The following HK1 variants were observed in gnomAD, a reference collection of about 807,000 sequenced individuals.
HK1 encodes hexokinase 1.
Under a neutral mutation model 91.6 loss-of-function variants are expected in HK1, and 28 were observed. The observed-to-expected ratio is 0.31, with a 90% CI of 0.23 to 0.42. The LOEUF (loss-of-function observed/expected upper bound fraction) is 0.42, where lower values mean the gene tolerates loss of function less well. HK1 is among the 10% of genes least tolerant of loss of function. HK1 has a pLI of 1.00. For synonymous variants in HK1, 430 were observed against 468.1 expected, an observed-to-expected ratio of 0.92 and a Z score of 1.05; for missense variants, 770 against 1,219.8, an observed-to-expected ratio of 0.63 and a Z score of 5.49.
At chr10:69,273,696 AT>A (rs931482922) in intron 1 of HK1, among the ~76,000 whole-genome samples, 4 of 152,048 alleles carry the variant, frequency 2.6e-5, no homozygotes, top group Non-Finnish European at 4.4e-5. Context: ...TCAGTGACAG[AT>A]TTTTTTTCTG....
intron 15 of HK1, among the ~76,000 whole-genome samples, chr10:69,392,915 C>T (rs75478620): frequency 6.6e-6 from 1 of 152,220 alleles, no homozygotes; most frequent in African/African-American, 2.4e-5. Context: ...AAGGTTTTTG[C>T]CTTTTCTAAA....
intron 2 of HK1, among the ~76,000 whole-genome samples, chr10:69,357,646 G>T (rs1849197708): frequency 6.6e-6 from 1 of 151,978 alleles, no homozygotes; most frequent in African/African-American, 2.4e-5. Context: ...AGAGACAGGG[G>T]CTCGCCATGT....
intron 8 of HK1, among the ~76,000 whole-genome samples, chr10:69,379,465 C>G (rs10762288): frequency 0.27 from 41,343 of 152,056 alleles, 6,164 homozygotes; most frequent in African/African-American, 0.41. Flanking sequence ...ATTACAATTT[C>G]ACTGAGAGAC....
intron 1 of HK1, among the ~76,000 whole-genome samples, chr10:69,279,750 A>G (rs80339337): frequency 0.054 from 8,211 of 152,276 alleles, 314 homozygotes; most frequent in South Asian, 0.13. Context: ...TCTGTGACCT[A>G]GGATATTGGA....
upstream of HK1, among the ~76,000 whole-genome samples, chr10:69,317,242 TGCGTACAGTATTAC>T (rs1188222644): frequency 1.3e-5 from 2 of 152,200 alleles, no homozygotes; most frequent in Non-Finnish European, 2.9e-5. Context: ...GCACGTATTT[TGCGTACAGTATTAC>T]ACAACAATCA....
At chr10:69,287,348 G>C (rs1023244823) in intron 2 of HK1, among the ~76,000 whole-genome samples, 6 of 152,132 alleles carry the variant, frequency 3.9e-5, no homozygotes. Context: ...GAACAGCAGG[G>C]GGGGAACCGC....
intron 1 of HK1, among the ~76,000 whole-genome samples, chr10:69,325,092 C>T (rs999091155): frequency 5.8e-5 from 8 of 138,304 alleles, no homozygotes; most frequent in African/African-American, 2.0e-4. Context: ...CGCTCTGTTG[C>T]CCAGGCTGGA....
intron 4 of HK1, chr10:69,296,383 G>A (rs1269800335): frequency 6.5e-6 from 1 of 152,746 alleles, no homozygotes; most frequent in Admixed American, 6.5e-5. Context: ...AGCTGGGTGT[G>A]GATTCAACCT....
intron 7 of HK1, among the ~76,000 whole-genome samples, chr10:69,374,995 A>G (rs2132844455): frequency 6.6e-6 from 1 of 152,338 alleles, no homozygotes; most frequent in African/African-American, 2.4e-5. Flanking sequence ...GACAGGCAGG[A>G]ATGCACAGTG....
At chr10:69,311,037 A>T (rs966371376), upstream of HK1, among the ~76,000 whole-genome samples, 1 of 150,532 alleles carries the variant, frequency 6.6e-6, no homozygotes, top group Non-Finnish European at 1.5e-5. Flanking sequence ...AGCCTGGGCA[A>T]CAGAGTGAGA....
At chr10:69,328,865 T>G (rs1412317807) in intron 1 of HK1, among the ~76,000 whole-genome samples, 2 of 152,160 alleles carry the variant, frequency 1.3e-5, no homozygotes, top group Admixed American at 1.3e-4. Context: ...TTTAAATGGA[T>G]TTGCCTCTTA....
intron 1 of HK1, among the ~76,000 whole-genome samples, chr10:69,328,870 C>G (rs1006560088): frequency 6.6e-6 from 1 of 151,894 alleles, no homozygotes; most frequent in African/African-American, 2.4e-5. Flanking sequence ...ATGGATTTGC[C>G]TCTTATGGAC....
intron 1 of HK1, among the ~76,000 whole-genome samples, chr10:69,335,228 C>T (rs1300213121): frequency 5.3e-5 from 8 of 152,172 alleles, no homozygotes; most frequent in Non-Finnish European, 1.0e-4. Context: ...AAGAGGAGTC[C>T]GGGGCTGCTG....
At chr10:69,373,083 G>T (rs944832693) in intron 7 of HK1, among the ~76,000 whole-genome samples, 1 of 152,138 alleles carries the variant, frequency 6.6e-6, no homozygotes, top group Non-Finnish European at 1.5e-5. Flanking sequence ...TAGCCAGGCT[G>T]GTCTCGAACT....
chr10:69,376,056 C>T (rs191390162), intron 7 of HK1, among the ~76,000 whole-genome samples: 52 of 152,192 alleles, frequency 3.4e-4, no homozygotes, highest in East Asian at 9.7e-4. Context: ...TCCTTTTGGC[C>T]GGAGAAGGAG....
chr10:69,371,472 A>G (rs1036681951), intron 7 of HK1, among the ~76,000 whole-genome samples: 2 of 152,208 alleles, frequency 1.3e-5, no homozygotes, highest in African/African-American at 4.8e-5. Context: ...TGGCATGTAT[A>G]CCCTGTTGCA....
chr10:69,321,003 C>G lies in HK1; in HGVS notation c.63+1993C>G, dbSNP rs150714182. On this transcript the variant is annotated intron_variant, in intron 1 of 17. Transcript: ENST00000359426. Reference sequence around the variant, plus strand: ...CCGAGTTTGGGATTCTGATGTTCTTCCCTTCTCTTCCCCGAGAACCTTGCT... The same window carrying G: ...CCGAGTTTGGGATTCTGATGTTCTTGCCTTCTCTTCCCCGAGAACCTTGCT... 2.0e-3 allele frequency among the ~76,000 whole-genome samples: 312 copies of G among 152,306 alleles called. 3 individuals carry two copies. The highest frequency in any genetic ancestry group is 7.4e-3 in the African/African-American group (306 of 41,546).
At chr10:69,300,222 T>G (rs75994173) in intron 4 of HK1, among the ~76,000 whole-genome samples, 3,404 of 151,936 alleles carry the variant, frequency 0.022, 232 homozygotes, top group African/African-American at 0.078. Flanking sequence ...TCCCATTTCC[T>G]GTCCTGACAG....
rs145581896 is a variant in HK1 at position 69,393,445 on chromosome 10, C to T, written c.2219+1137C>T. On this transcript the variant is annotated intron_variant, in intron 15 of 17. Transcript: ENST00000359426. ...CCAGGTAGCTGGGATTACAGGTGCA[C>T]GGCACCACGCCCAGCTAGTTTTTGT... Among the ~76,000 whole-genome samples the T allele has an allele frequency of 9.7e-3, 1,474 of 152,056 alleles. 20 individuals carry two copies. The highest frequency in any genetic ancestry group is 0.034 in the African/African-American group (1,411 of 41,436).
Sources: gnomAD v4.1 joint callset for allele counts (sites outside exome capture counted in the v4.1 genomes callset) on GRCh38, gnomAD v4.1.1 for gene constraint, MANE v1.5 for transcripts, NCBI Gene and HGNC (gene_info 2026-07-23, HGNC 2026-07-21) for gene names.